Variants in NMNAT3 observed in about 807,000 individuals in gnomAD.
The protein encoded by NMNAT3 is nicotinamide/nicotinic acid mononucleotide adenylyltransferase 3.
NMNAT3 carries 21 observed loss-of-function variants against 24.8 expected under a neutral mutation model. The observed-to-expected ratio is 0.85, with a 90% CI of 0.60 to 1.22. The LOEUF is 1.22. Among genes scored for constraint, NMNAT3 ranks in the 50% most tolerant of loss-of-function variants. The probability of loss-of-function intolerance (pLI) is 0.00; values close to 1 mark genes in which losing one functional copy is unlikely to be tolerated. For synonymous variants in NMNAT3, 136 were observed against 155.2 expected, an observed-to-expected ratio of 0.88 and a Z score of 0.92; for missense variants, 387 against 436.6, an observed-to-expected ratio of 0.89 and a Z score of 1.01.
chr3:139,653,930 C>A (rs1370784240), intron 1 of NMNAT3, among the ~76,000 whole-genome samples: 1 of 152,186 alleles, frequency 6.6e-6, no homozygotes, highest in Non-Finnish European at 1.5e-5. Flanking sequence ...AGGTTGGAGA[C>A]AAGCTATGAG....
chr3:139,596,936 A>G (rs762803644), intron 3 of NMNAT3, among the ~76,000 whole-genome samples: 22,137 of 82,494 alleles, frequency 0.27, 3,142 homozygotes, highest in Admixed American at 0.42. Context: ...ATATATATAT[A>G]TATATATATA....
chr3:139,665,210 A>G lies in NMNAT3; in HGVS notation c.-141+12495T>C, dbSNP rs556973877. Among the ~76,000 whole-genome samples, 5 of 152,322 alleles carry G rather than the reference A, an allele frequency of 3.3e-5. No homozygotes were observed. In the South Asian group the frequency reaches 1.0e-3, roughly 32 times the overall value. ...ACGAAGCCAGGCCAAACAGGGTAGAACCAGATTCCAGTTTCAGTGACAGAT... is the reference window on the plus strand; with the variant it reads ...ACGAAGCCAGGCCAAACAGGGTAGAGCCAGATTCCAGTTTCAGTGACAGAT... On this transcript the variant is annotated intron_variant, in intron 1 of 6. Coordinates refer to ENST00000643695, the MANE Select transcript of NMNAT3 (RefSeq NM_001320510.2).
intron 1 of NMNAT3, among the ~76,000 whole-genome samples, chr3:139,644,235 T>C (rs2056800153): frequency 6.6e-6 from 1 of 152,016 alleles, no homozygotes; most frequent in African/African-American, 2.4e-5. Flanking sequence ...ACACTAACAA[T>C]AAGGAAAAGA....
intron 3 of NMNAT3, among the ~76,000 whole-genome samples, chr3:139,620,872 T>C (rs528574591): frequency 2.6e-5 from 4 of 152,338 alleles, no homozygotes; most frequent in South Asian, 4.1e-4. Context: ...TAGCTCACTA[T>C]GGTTTTGAAC....
intron 2 of NMNAT3, 121 bp from the exon 4 acceptor site, chr3:139,627,885 A>T (rs2056125304): frequency 4.2e-6 from 2 of 477,638 alleles, no homozygotes; most frequent in Non-Finnish European, 7.4e-6. Context: ...GGAGGCCATT[A>T]AAACAACGTT....
chr3:139,667,289 T>C (rs544605364), intron 1 of NMNAT3, among the ~76,000 whole-genome samples: 1 of 152,358 alleles, frequency 6.6e-6, no homozygotes, highest in South Asian at 2.1e-4. Context: ...GTCTTTTTGA[T>C]AATAGTCATT....
chr3:139,578,439 C>T (rs1939646756), intron 5 of NMNAT3, among the ~76,000 whole-genome samples: 1 of 152,082 alleles, frequency 6.6e-6, no homozygotes, highest in Non-Finnish European at 1.5e-5. Context: ...CAAAAGGTCC[C>T]ACCTACTGAA....
At chr3:139,675,773 G>A (rs771839730) in intron 1 of NMNAT3, among the ~76,000 whole-genome samples, 7 of 152,174 alleles carry the variant, frequency 4.6e-5, no homozygotes, top group Non-Finnish European at 8.8e-5. Context: ...GTCAGGTACT[G>A]CTCTATGTAT....
At chr3:139,637,488 T>C (rs2056543717) in intron 2 of NMNAT3, 1 of 152,268 alleles carries the variant, frequency 6.6e-6, no homozygotes, top group Non-Finnish European at 1.5e-5. Context: ...CAGAAATATC[T>C]GGCAAATAGC....
At chr3:139,613,665 G>C (rs1309964000) in intron 3 of NMNAT3, among the ~76,000 whole-genome samples, 1 of 152,066 alleles carries the variant, frequency 6.6e-6, no homozygotes, top group African/African-American at 2.4e-5. Flanking sequence ...AAATCATGCT[G>C]CTATAAAGAC....
chr3:139,676,307 A>G (rs2057927867), intron 1 of NMNAT3, among the ~76,000 whole-genome samples: 1 of 152,238 alleles, frequency 6.6e-6, no homozygotes, highest in Non-Finnish European at 1.5e-5. Context: ...TGAGCAGCTG[A>G]CAGATGTTTC....
At chr3:139,622,501 G>C (rs568649005) in intron 3 of NMNAT3, among the ~76,000 whole-genome samples, 41 of 151,764 alleles carry the variant, frequency 2.7e-4, no homozygotes, top group African/African-American at 9.9e-4. Context: ...TTGGGAGGCC[G>C]AGGCAGGCTG....
At chr3:139,582,395 A>G (rs2053683316) in intron 4 of NMNAT3, among the ~76,000 whole-genome samples, 1 of 151,754 alleles carries the variant, frequency 6.6e-6, no homozygotes, top group African/African-American at 2.4e-5. Context: ...TAATCCCAGC[A>G]CTTTGGGAGG....
Position 139,664,416 on chromosome 3 carries a change from C to T in NMNAT3, c.-141+13289G>A, listed in dbSNP as rs528110526. On this transcript the variant is annotated intron_variant, in intron 1 of 6. Transcript: ENST00000643695. Reference sequence around the variant, plus strand: ...AACTTTCTGTGAAAAATGAGTGGTCCAGGAGCTATGATTCCTGAAGAACAA... The same window carrying T: ...AACTTTCTGTGAAAAATGAGTGGTCTAGGAGCTATGATTCCTGAAGAACAA... 2.2e-3 allele frequency among the ~76,000 whole-genome samples: 339 copies of T among 152,200 alleles called. 1 individual carries two copies. Among genetic ancestry groups the T allele is most frequent in the African/African-American group, 8.0e-3 (334 of 41,504 alleles).
chr3:139,652,901 G>A (rs1367670991), intron 1 of NMNAT3, among the ~76,000 whole-genome samples: 4 of 152,194 alleles, frequency 2.6e-5, no homozygotes, highest in Admixed American at 1.3e-4. Context: ...AGAAGCAAAA[G>A]TGACCAGAGA....
At chr3:139,568,223 C>A (rs1030352698) in intron 6 of NMNAT3, 16 of 151,846 alleles carry the variant, frequency 1.1e-4, no homozygotes, top group East Asian at 1.9e-4. Context: ...CTATTTGATT[C>A]TTCTCTCTTT....
At chr3:139,572,338 G>T in intron 6 of NMNAT3, 1 of 396,940 alleles carries the variant, frequency 2.5e-6, no homozygotes, top group Non-Finnish European at 4.4e-6. Flanking sequence ...AGGTAACGGA[G>T]AGGACAGGCA....
intron 3 of NMNAT3, among the ~76,000 whole-genome samples, chr3:139,592,088 G>A (rs1039301371): frequency 2.6e-5 from 4 of 152,258 alleles, no homozygotes; most frequent in South Asian, 2.1e-4. Flanking sequence ...TTAGAAGAAT[G>A]TATAACTAGA....
intron 5 of NMNAT3, chr3:139,576,010 A>G: frequency 7.8e-7 from 1 of 1,289,118 alleles, no homozygotes; most frequent in Non-Finnish European, 1.0e-6. Context: ...AAATGAGGAC[A>G]ACACAAGATC....
Sources: allele counts gnomAD v4.1 joint callset (sites outside exome capture counted in the v4.1 genomes callset), GRCh38; gene constraint gnomAD v4.1.1; transcripts MANE v1.5; gene names NCBI Gene and HGNC (gene_info 2026-07-23, HGNC 2026-07-21).